The following GABRB1 variants were observed in gnomAD, a reference collection of about 807,000 sequenced individuals.
GABRB1 encodes gamma-aminobutyric acid receptor subunit beta-1.
Under a neutral mutation model 51.6 loss-of-function variants are expected in GABRB1, and 17 were observed. That is an observed-to-expected ratio of 0.33 (90% CI 0.23 to 0.49). GABRB1 has a LOEUF of 0.49. Ranked by LOEUF, GABRB1 falls within the 20% of genes least tolerant of loss-of-function variation. GABRB1 has a pLI of 0.99. For synonymous variants in GABRB1, 247 were observed against 218.9 expected (o/e 1.13, Z -1.14); for missense variants, 410 against 600.6 (o/e 0.68, Z 3.32).
intron 4 of GABRB1, among the ~76,000 whole-genome samples, chr4:47,199,648 A>C (rs550117411): frequency 6.6e-6 from 1 of 152,250 alleles, no homozygotes; most frequent in African/African-American, 2.4e-5. Context: ...GTTAGGACAC[A>C]AGGTGAAGGA....
At chr4:47,213,981 C>T (rs1214369702) in intron 4 of GABRB1, among the ~76,000 whole-genome samples, 1 of 151,816 alleles carries the variant, frequency 6.6e-6, no homozygotes, top group Non-Finnish European at 1.5e-5. Context: ...TTTTCCTTCT[C>T]TCTGTTCATC....
intron 4 of GABRB1, among the ~76,000 whole-genome samples, chr4:47,203,450 C>T (rs969127091): frequency 6.6e-6 from 1 of 152,036 alleles, no homozygotes; most frequent in African/African-American, 2.4e-5. Flanking sequence ...TTCTCCACCC[C>T]AAAATTCACT....
chr4:47,086,828 T>C (rs116563455), intron 3 of GABRB1, among the ~76,000 whole-genome samples: 1,667 of 152,294 alleles, frequency 0.011, 29 homozygotes, highest in South Asian at 0.041. Context: ...TGCTGTGCAG[T>C]GGCTAAGGGC....
At chr4:47,001,363 G>C (rs6447524) in intron 1 of GABRB1, among the ~76,000 whole-genome samples, 101,342 of 151,678 alleles carry the variant, frequency 0.67, 34,430 homozygotes, top group Non-Finnish European at 0.74. Context: ...AGGATGGTCT[G>C]AATCTCCTGA....
chr4:47,117,198 C>T (rs990766002), intron 3 of GABRB1, among the ~76,000 whole-genome samples: 1 of 152,086 alleles, frequency 6.6e-6, no homozygotes, highest in African/African-American at 2.4e-5. Flanking sequence ...TTTTATGTTA[C>T]GAGAGGAGCA....
At chr4:47,189,277 T>A (rs942598090) in intron 4 of GABRB1, among the ~76,000 whole-genome samples, 2 of 151,380 alleles carry the variant, frequency 1.3e-5, no homozygotes, top group African/African-American at 2.4e-5. Context: ...AGCACTGGAG[T>A]CAAGCCAAGA....
rs148001311 is a variant in GABRB1 at position 47,158,725 on chromosome 4, A to T, written c.241-2524A>T. 5.5e-3 allele frequency among the ~76,000 whole-genome samples: 843 copies of T among 152,206 alleles called. 2 individuals carry two copies. Among genetic ancestry groups the T allele is most frequent in the Non-Finnish European group, 8.3e-3 (563 of 67,984 alleles). ...AACACCAAGACTTAGAATTCATTAC[A>T]GACAATTGTTTATTTTCATGGCCAA... is the stretch of plus-strand genomic sequence containing the variant. On this transcript the variant is annotated intron_variant, in intron 3 of 8. Transcript: ENST00000295454.
At chr4:47,141,956 G>A (rs1269905726) in intron 3 of GABRB1, among the ~76,000 whole-genome samples, 1 of 151,902 alleles carries the variant, frequency 6.6e-6, no homozygotes. Context: ...TACTAATTCA[G>A]AAGATATTTC....
At chr4:47,333,101 T>A (rs1038446582) in intron 5 of GABRB1, among the ~76,000 whole-genome samples, 61 of 146,846 alleles carry the variant, frequency 4.2e-4, no homozygotes, top group African/African-American at 1.4e-3. Flanking sequence ...TATACATATT[T>A]TTATATTCAT....
At chr4:47,145,275 C>T (rs760081387) in intron 3 of GABRB1, among the ~76,000 whole-genome samples, 18 of 152,064 alleles carry the variant, frequency 1.2e-4, no homozygotes, top group Admixed American at 9.8e-4. Flanking sequence ...GGCAGCTACA[C>T]GCAATTTCAT....
At chr4:47,164,390 T>TA (rs1038872340) in intron 4 of GABRB1, among the ~76,000 whole-genome samples, 4 of 152,124 alleles carry the variant, frequency 2.6e-5, no homozygotes, top group Admixed American at 2.0e-4. Context: ...TGTCACCTCC[T>TA]AAGCACACAT....
chr4:47,199,665 A>T (rs1719823685), intron 4 of GABRB1, among the ~76,000 whole-genome samples: 1 of 152,110 alleles, frequency 6.6e-6, no homozygotes, highest in Admixed American at 6.6e-5. Context: ...AGGACATGGG[A>T]CAGAAGCAGA....
intron 3 of GABRB1, among the ~76,000 whole-genome samples, chr4:47,061,725 T>C (rs941851714): frequency 5.3e-5 from 8 of 152,180 alleles, no homozygotes; most frequent in Non-Finnish European, 8.8e-5. Context: ...TTCAAAGTAA[T>C]TCCTCTGTGG....
chr4:47,017,215 T>A (rs1724778614), intron 1 of GABRB1, among the ~76,000 whole-genome samples: 1 of 152,232 alleles, frequency 6.6e-6, no homozygotes, highest in East Asian at 1.9e-4. Flanking sequence ...TCACATTTTT[T>A]AATTCCCTGC....
intron 5 of GABRB1, among the ~76,000 whole-genome samples, chr4:47,327,267 G>A (rs1051137021): frequency 2.7e-5 from 4 of 150,894 alleles, no homozygotes; most frequent in African/African-American, 9.8e-5. Context: ...GAGCTGGGAG[G>A]ATCACTTGAC....
At chr4:47,405,866 C>T (rs1399434891) in intron 7 of GABRB1, among the ~76,000 whole-genome samples, 13 of 152,088 alleles carry the variant, frequency 8.5e-5, no homozygotes, top group African/African-American at 2.4e-5. Flanking sequence ...GCTAAACAAA[C>T]ATTATACTAT....
chr4:47,037,068 A>G (rs944140302), intron 3 of GABRB1, among the ~76,000 whole-genome samples: 1 of 152,162 alleles, frequency 6.6e-6, no homozygotes, highest in African/African-American at 2.4e-5. Context: ...GACCTAAACT[A>G]ATAAATAGTC....
intron 4 of GABRB1, among the ~76,000 whole-genome samples, chr4:47,284,014 C>G (rs940198027): frequency 5.5e-5 from 8 of 145,872 alleles, no homozygotes; most frequent in Admixed American, 1.4e-4. Context: ...AGGAGAATGG[C>G]GTGAACCCGG....
At chr4:47,177,980 A>AGGATGTAT (rs1227400322) in intron 4 of GABRB1, among the ~76,000 whole-genome samples, 3 of 152,086 alleles carry the variant, frequency 2.0e-5, no homozygotes, top group Non-Finnish European at 2.9e-5. Flanking sequence ...TAAATGGATT[A>AGGATGTAT]GGATGTATAT....
Sources: gnomAD v4.1 joint callset for allele counts (sites outside exome capture counted in the v4.1 genomes callset) on GRCh38, gnomAD v4.1.1 for gene constraint, MANE v1.5 for transcripts, NCBI Gene and HGNC (gene_info 2026-07-23, HGNC 2026-07-21) for gene names.